Variants in EPS8 observed in about 807,000 individuals in gnomAD.
The protein encoded by EPS8 is epidermal growth factor receptor kinase substrate 8.
Under a neutral mutation model 103.8 loss-of-function variants are expected in EPS8, and 42 were observed. The ratio of observed to expected loss-of-function variants is 0.40; its 90% CI spans 0.32 to 0.52. The LOEUF is 0.52. EPS8 is among the 20% of genes least tolerant of loss of function. The pLI, the probability that EPS8 is intolerant of heterozygous loss-of-function variation, is 0.40. For synonymous variants in EPS8, 344 were observed against 344.6 expected (o/e 1.00, Z 0.02); for missense variants, 969 against 1,005.1 (o/e 0.96, Z 0.49).
chr12:15,646,652 G>A (rs1025895224), intron 15 of EPS8, among the ~76,000 whole-genome samples: 1 of 152,088 alleles, frequency 6.6e-6, no homozygotes, highest in Non-Finnish European at 1.5e-5. Context: ...AAGATGAAAT[G>A]GCAAGAATGA....
At position 15,736,822 on chromosome 12, in the gene EPS8, C is replaced by T. The variant is rs1022988991; in HGVS notation, c.-22+52339G>A. 1.3e-5 allele frequency among the ~76,000 whole-genome samples: 2 copies of T among 152,042 alleles called. No individual in the cohort carries two copies. The highest frequency in any genetic ancestry group is 2.9e-5 in the Non-Finnish European group (2 of 68,016). On this transcript the variant is annotated intron_variant, in intron 1 of 20. Transcript: ENST00000281172. This position sits in a 1 kb window ranked among gnomAD's most constrained non-coding sequence, Gnocchi z 4.2. ...CATATGTCAATACCCTCCATGGAGA[C>T]ACTATATTACAGCCCCAATAAACAG...
At chr12:15,711,939 CTCTA>C (rs1226642517) in intron 1 of EPS8, among the ~76,000 whole-genome samples, 1 of 152,142 alleles carries the variant, frequency 6.6e-6, no homozygotes, top group Admixed American at 6.6e-5. Context: ...TATTTTTGCT[CTCTA>C]TCTAGTCTGT....
chr12:15,693,889 G>C lies in EPS8; in HGVS notation c.-21-10917C>G, dbSNP rs1174508186. Among the ~76,000 whole-genome samples the C allele has an allele frequency of 6.6e-6, 1 of 152,130 alleles. No individual in the cohort carries two copies. The highest frequency in any genetic ancestry group is 2.4e-5 in the African/African-American group (1 of 41,444). ...GGGGAAAAAATACACACCAAGGCCTGTCAGATGGAGGTGGGGCAAGAGGAG... is the reference window on the plus strand; with the variant it reads ...GGGGAAAAAATACACACCAAGGCCTCTCAGATGGAGGTGGGGCAAGAGGAG... On this transcript the variant is annotated intron_variant, in intron 1 of 20. Transcript: ENST00000281172. The surrounding 1 kb of genome is among the most constrained non-coding windows in gnomAD (Gnocchi z 5.6).
chr12:15,725,451 C>CA lies in EPS8; in HGVS notation c.-21-42480dup, dbSNP rs1014039342. ...TGGGCAATATAGTGATACCCTGTCT[C>CA]AAAAAAAAAAGGAAAAAAACTAAAA... On this transcript the variant is annotated intron_variant, in intron 1 of 20. Transcript: ENST00000281172. This position sits in a 1 kb window ranked among gnomAD's most constrained non-coding sequence, Gnocchi z 4.5. 2.6e-4 allele frequency among the ~76,000 whole-genome samples: 30 copies of CA among 113,244 alleles called. No homozygotes were observed. Among genetic ancestry groups the CA allele is most frequent in the East Asian group, 9.9e-4 (4 of 4,024 alleles). 74.3% of individuals were successfully genotyped at this position (113,244 alleles called of 152,430 possible).
intron 15 of EPS8, among the ~76,000 whole-genome samples, chr12:15,645,466 A>G (rs1012904454): frequency 6.6e-6 from 1 of 152,116 alleles, no homozygotes; most frequent in Admixed American, 6.5e-5. Flanking sequence ...TTAACTTTCA[A>G]TAATAATACC....
At chr12:15,670,500 A>C (rs918598490) in intron 4 of EPS8, among the ~76,000 whole-genome samples, 9 of 152,156 alleles carry the variant, frequency 5.9e-5, no homozygotes, top group African/African-American at 2.2e-4. Flanking sequence ...TTTAACTAGA[A>C]CTGGCAATAA....
chr12:15,651,565 T>G (rs1945414451), intron 13 of EPS8, among the ~76,000 whole-genome samples: 1 of 152,172 alleles, frequency 6.6e-6, no homozygotes, highest in South Asian at 2.1e-4. Flanking sequence ...TCAGCTCTGT[T>G]TTAATCAGTA....
chr12:15,754,532 T>C (rs1316650657), intron 1 of EPS8, among the ~76,000 whole-genome samples: 1 of 152,218 alleles, frequency 6.6e-6, no homozygotes, highest in African/African-American at 2.4e-5. Context: ...GAGGAATAAG[T>C]GAATAGCTAT....
intron 1 of EPS8, among the ~76,000 whole-genome samples, chr12:15,709,279 TATAAC>T (rs1284387452): frequency 1.4e-4 from 21 of 151,866 alleles, no homozygotes; most frequent in African/African-American, 4.8e-5. Context: ...TAAAAATAAA[TATAAC>T]AGAAGATGGA....
chr12:15,630,144 C>A (rs2135726741), intron 18 of EPS8, among the ~76,000 whole-genome samples: 1 of 151,990 alleles, frequency 6.6e-6, no homozygotes, highest in South Asian at 2.1e-4. Context: ...AAGAGAGGCC[C>A]ACATTGAGGG....
At position 15,717,742 on chromosome 12, in the gene EPS8, T is replaced by G. The variant is rs1946548884; in HGVS notation, c.-21-34770A>C. Among the ~76,000 whole-genome samples, 1 of 152,202 alleles carries G rather than the reference T, an allele frequency of 6.6e-6. No individual in the cohort carries two copies. The highest frequency in any genetic ancestry group is 1.5e-5 in the Non-Finnish European group (1 of 68,034). On this transcript the variant is annotated intron_variant, in intron 1 of 20. Coordinates refer to ENST00000281172, the MANE Select transcript of EPS8 (RefSeq NM_004447.6). The surrounding 1 kb of genome is among the most constrained non-coding windows in gnomAD (Gnocchi z 4.3). ...TTAAGTGTATAGATGGCATTAGTAGTCTAAGTTAGGAAAATATTGATTTGA... is the reference window on the plus strand; with the variant it reads ...TTAAGTGTATAGATGGCATTAGTAGGCTAAGTTAGGAAAATATTGATTTGA...
intron 1 of EPS8, among the ~76,000 whole-genome samples, chr12:15,687,784 C>A (rs537895865): frequency 6.6e-6 from 1 of 152,170 alleles, no homozygotes; most frequent in Non-Finnish European, 1.5e-5. Flanking sequence ...ATCATCAGCA[C>A]ACATGTACTA....
intron 1 of EPS8, among the ~76,000 whole-genome samples, chr12:15,707,222 C>T (rs1442513190): frequency 2.6e-5 from 4 of 152,062 alleles, no homozygotes; most frequent in South Asian, 2.1e-4. Context: ...GACAAACTTT[C>T]GGTAAAGAGC....
In EPS8 at chr12:15,702,004, G is replaced by T. The variant is rs1946317100; in HGVS notation, c.-21-19032C>A. Among the ~76,000 whole-genome samples the T allele has an allele frequency of 6.6e-6, 1 of 152,126 alleles. No individual in the cohort carries two copies. Among genetic ancestry groups the T allele is most frequent in the Non-Finnish European group, 1.5e-5 (1 of 68,026 alleles). On this transcript the variant is annotated intron_variant, in intron 1 of 20. Transcript: ENST00000281172. The surrounding 1 kb of genome is among the most constrained non-coding windows in gnomAD (Gnocchi z 5.1). Reference sequence around the variant, plus strand: ...TCACTCATATTTATAACTGGTTCATGGAAACTAGTTTAAATATTAAATGAC... The same window carrying T: ...TCACTCATATTTATAACTGGTTCATTGAAACTAGTTTAAATATTAAATGAC...
intron 1 of EPS8, among the ~76,000 whole-genome samples, chr12:15,730,401 C>A (rs1313253159): frequency 2.0e-5 from 3 of 151,084 alleles, no homozygotes; most frequent in Admixed American, 6.6e-5. Flanking sequence ...AAAAGCATGA[C>A]TTTTTTTTTA....
In EPS8 at chr12:15,727,907, C is replaced by T. The variant is rs1226015662; in HGVS notation, c.-21-44935G>A. ...AAGTCTAGTTTCCTTTACTAAGATG[C>T]TTTTATCAAGATGGTTCTCCCATAA... On this transcript the variant is annotated intron_variant, in intron 1 of 20. Transcript: ENST00000281172. This position sits in a 1 kb window ranked among gnomAD's most constrained non-coding sequence, Gnocchi z 4.3. Among the ~76,000 whole-genome samples the T allele has an allele frequency of 1.3e-5, 2 of 152,064 alleles. No homozygotes were observed. The highest frequency in any genetic ancestry group is 1.3e-4 in the Admixed American group (2 of 15,250).
intron 2 of EPS8, among the ~76,000 whole-genome samples, chr12:15,682,131 G>A (rs1245390341): frequency 1.3e-5 from 2 of 152,192 alleles, no homozygotes; most frequent in Admixed American, 1.3e-4. Flanking sequence ...AGAGAATCAA[G>A]TGAGGAAAAG....
intron 1 of EPS8, among the ~76,000 whole-genome samples, chr12:15,773,026 G>A (rs1050436200): frequency 2.6e-5 from 4 of 152,104 alleles, no homozygotes; most frequent in African/African-American, 9.7e-5. Context: ...CAGTGGGCTC[G>A]CTGATGTAGG....
In EPS8 at chr12:15,747,370, T is replaced by C. The variant is rs918247926; in HGVS notation, c.-22+41791A>G. 1.3e-5 allele frequency among the ~76,000 whole-genome samples: 2 copies of C among 152,206 alleles called. No homozygotes were observed. Among genetic ancestry groups the C allele is most frequent in the African/African-American group, 4.8e-5 (2 of 41,434 alleles). On this transcript the variant is annotated intron_variant, in intron 1 of 20. Transcript: ENST00000281172. The surrounding 1 kb of genome is among the most constrained non-coding windows in gnomAD (Gnocchi z 4.4). ...ATGGTTATCAGAAAGTGCTTAATCT[T>C]AGTACATTAACAAACTTACTCCATT...
Sources: gnomAD v4.1 joint callset for allele counts (sites outside exome capture counted in the v4.1 genomes callset) on GRCh38, gnomAD v4.1.1 for gene constraint, Gnocchi (gnomAD v3.1) non-coding constraint, MANE v1.5 for transcripts, NCBI Gene and HGNC (gene_info 2026-07-23, HGNC 2026-07-21) for gene names.